PCDHGA5: variants seen among roughly 807,000 people sequenced by gnomAD.
PCDHGA5 encodes the protein protocadherin gamma-A5.
Under a neutral mutation model 56.7 loss-of-function variants are expected in PCDHGA5, and 36 were observed. The observed-to-expected ratio is 0.64, with a 90% confidence interval of 0.49 to 0.84. The LOEUF (loss-of-function observed/expected upper bound fraction) is 0.84. PCDHGA5 is among the 40% of genes least tolerant of loss of function. The pLI is 0.00. For missense variants in PCDHGA5, 1,305 were observed against 1,201.5 expected, an observed-to-expected ratio of 1.09 and a Z score of -1.27; for synonymous variants, 563 against 520.2, an observed-to-expected ratio of 1.08 and a Z score of -1.12.
rs1434955829 is a variant in PCDHGA5, at chr5:141,431,361, A to G, written c.2422-63446A>G. 3 of 1,614,002 alleles carry G rather than the reference A, an allele frequency of 1.9e-6. No homozygotes were observed. The highest frequency in any genetic ancestry group is 2.5e-6 in the Non-Finnish European group (3 of 1,180,034). On this transcript the variant is annotated intron_variant, in intron 1 of 3. Transcript: ENST00000518069. The surrounding 1 kb of genome is among the most constrained non-coding windows in gnomAD (Gnocchi z 4.8). ...GAATTGGTGCTGAAACGCGCCCTGG[A>G]CCGCGAAGAAAAGGCTGCTCACCAC...
intron 1 of PCDHGA5, chr5:141,422,463 C>G (rs1461108652): frequency 6.2e-7 from 1 of 1,613,472 alleles, no homozygotes; most frequent in Non-Finnish European, 8.5e-7. Flanking sequence ...GAGTGCTGGA[C>G]AGGGAGTTGG....
At position 141,493,666 on chromosome 5, in the gene PCDHGA5, C is replaced by T. The variant is rs1475584876; in HGVS notation, c.2422-1141C>T. On this transcript the variant is annotated intron_variant, in intron 1 of 3. Transcript: ENST00000518069. The surrounding 1 kb of genome is among the most constrained non-coding windows in gnomAD (Gnocchi z 4.3). ...GCCATCCCTGTGCCCTTCTCCATGG[C>T]AGCCCCAGAATGGTGCTGGTGACTC... 6.6e-6 allele frequency among the ~76,000 whole-genome samples: 1 copy of T among 152,176 alleles called. No individual in the cohort carries two copies. The highest frequency in any genetic ancestry group is 1.5e-5 in the Non-Finnish European group (1 of 68,028).
intron 1 of PCDHGA5, chr5:141,418,778 T>C (rs1256260275): frequency 6.2e-7 from 1 of 1,613,744 alleles, no homozygotes; most frequent in Non-Finnish European, 8.5e-7. Context: ...TCAGCAGCCT[T>C]TGGATTTTGA....
rs1426255577 is a variant in PCDHGA5, at chr5:141,512,797, TG to T, written c.*1625del. 6.6e-6 allele frequency: 1 copy of T among 152,300 alleles called. No homozygotes were observed. Among genetic ancestry groups the T allele is most frequent in the African/African-American group, 2.4e-5 (1 of 41,444 alleles). The allele number at this position is 152,300 out of a possible 1,614,324, so 9.4% of individuals were successfully genotyped here. On this transcript the variant is annotated 3_prime_UTR_variant, in exon 4 of 4. Transcript: ENST00000518069. ...GCGGCCCGTGTTGTGTTTTGTGCTGTGTCCACGCGCTAAGGCGACCCCCTCC... is the reference window on the plus strand; with the variant it reads ...GCGGCCCGTGTTGTGTTTTGTGCTGTTCCACGCGCTAAGGCGACCCCCTCC...
chr5:141,382,519 T>G lies in PCDHGA5; in HGVS notation c.2421+15768T>G, dbSNP rs147736839. On this transcript the variant is annotated intron_variant, in intron 1 of 3. Transcript: ENST00000518069. ...CATGAACACTGTTGCATTAATTCAG[T>G]GTCTTAAAATGGATTTTTAATTATC... 7.0e-4 allele frequency among the ~76,000 whole-genome samples: 107 copies of G among 152,314 alleles called. No homozygotes were observed. In the Middle Eastern group the frequency reaches 0.01, roughly 15 times the overall value.
rs1311219092 is a variant in PCDHGA5 at position 141,372,180 on chromosome 5, G to A, written c.2421+5429G>A. 1 of 1,613,652 alleles carries A rather than the reference G, an allele frequency of 6.2e-7. No homozygotes were observed. On this transcript the variant is annotated intron_variant, in intron 1 of 3. Transcript: ENST00000518069. ...GGTGACCAAGGTGGTGGCGGTGGAC[G>A]CAGACTCGGGATACAACGCCTGGCT...
chr5:141,470,718 G>A (rs916720866), intron 1 of PCDHGA5, among the ~76,000 whole-genome samples: 2 of 152,022 alleles, frequency 1.3e-5, no homozygotes, highest in Non-Finnish European at 2.9e-5. Flanking sequence ...ATTTTTTTGA[G>A]TCAGGGTCTT....
At chr5:141,405,422 GTT>G in intron 1 of PCDHGA5, 2 of 1,509,830 alleles carry the variant, frequency 1.3e-6, no homozygotes, top group Non-Finnish European at 1.8e-6. Context: ...TTTGTTTTTT[GTT>G]TTGTTTTGTT....
At chr5:141,448,523 A>G (rs2098593853) in intron 1 of PCDHGA5, among the ~76,000 whole-genome samples, 1 of 152,166 alleles carries the variant, frequency 6.6e-6, no homozygotes, top group African/African-American at 2.4e-5. Context: ...TTTATTAAGC[A>G]TCCTGTCAGC....
intron 1 of PCDHGA5, chr5:141,479,247 C>A (rs1428944159): frequency 6.6e-6 from 1 of 152,084 alleles, no homozygotes; most frequent in Non-Finnish European, 1.5e-5. Flanking sequence ...CAAAGATAAC[C>A]ATTTTTAATT....
At chr5:141,420,160 T>G in intron 1 of PCDHGA5, 1 of 1,614,044 alleles carries the variant, frequency 6.2e-7, no homozygotes, top group Non-Finnish European at 8.5e-7. Flanking sequence ...AATTTAATTT[T>G]TTCACATCTG....
intron 2 of PCDHGA5, among the ~76,000 whole-genome samples, chr5:141,495,994 T>C (rs2099765151): frequency 6.6e-6 from 1 of 152,146 alleles, no homozygotes; most frequent in Non-Finnish European, 1.5e-5. Flanking sequence ...ATCTCTCTTT[T>C]TCTTTTATCT....
intron 1 of PCDHGA5, among the ~76,000 whole-genome samples, chr5:141,463,489 C>T (rs1190438683): frequency 7.2e-6 from 1 of 138,270 alleles, no homozygotes; most frequent in African/African-American, 2.8e-5. Context: ...CGCTCTGTCA[C>T]CCAGGCTGGA....
Position 141,426,915 on chromosome 5 carries a change from G to A in PCDHGA5, c.2421+60164G>A, listed in dbSNP as rs143411146. On this transcript the variant is annotated intron_variant, in intron 1 of 3. Coordinates refer to ENST00000518069, the MANE Select transcript of PCDHGA5 (RefSeq NM_018918.3). ...ACAGAGCTCTCATCTCCTGGTCCTG[G>A]AAGCAATGGACATGGGTGACCCAGT... 1,737 of 456,738 alleles carry A rather than the reference G, an allele frequency of 3.8e-3. 17 individuals carry two copies. Among genetic ancestry groups the A allele is most frequent in the Admixed American group, 0.01 (426 of 42,586 alleles). The allele number at this position is 456,738 out of a possible 1,614,324, so 28.3% of individuals were successfully genotyped here.
intron 1 of PCDHGA5, chr5:141,407,886 A>G (rs1390921977): frequency 2.6e-6 from 1 of 384,594 alleles, no homozygotes; most frequent in Non-Finnish European, 4.6e-6. Context: ...CATTTCGGAG[A>G]CCGAATTCAA....
chr5:141,426,437 C>T (rs914971616), intron 1 of PCDHGA5: 6 of 300,546 alleles, frequency 2.0e-5, no homozygotes, highest in South Asian at 6.4e-5. Flanking sequence ...GGGAACCTTG[C>T]GGAGGACATG....
chr5:141,379,268 T>C (rs1775481611), intron 1 of PCDHGA5: 1 of 152,258 alleles, frequency 6.6e-6, no homozygotes, highest in Non-Finnish European at 1.5e-5. Flanking sequence ...GGAATTGTTA[T>C]AGATTTATTT....
intron 1 of PCDHGA5, among the ~76,000 whole-genome samples, chr5:141,467,297 CT>C (rs1229166213): frequency 2.0e-5 from 3 of 152,182 alleles, no homozygotes; most frequent in African/African-American, 7.2e-5. Context: ...AAGTGATCCA[CT>C]CACCTCGGCC....
In PCDHGA5 at chr5:141,472,816, G is replaced by A. The variant is rs1186234004; in HGVS notation, c.2422-21991G>A. On this transcript the variant is annotated intron_variant, in intron 1 of 3. Transcript: ENST00000518069. ...GCCTGACCAACATGGAGAAACCCCC[G>A]TCTCTACTAAAAATAGAAAATTAGC... 4.6e-5 allele frequency among the ~76,000 whole-genome samples: 7 copies of A among 151,374 alleles called. No individual in the cohort carries two copies. In the South Asian group the frequency reaches 6.2e-4, roughly 14 times the overall value.
Sources: allele counts gnomAD v4.1 joint callset (sites outside exome capture counted in the v4.1 genomes callset), GRCh38; gene constraint gnomAD v4.1.1; non-coding constraint Gnocchi (gnomAD v3.1); transcripts MANE v1.5; gene names NCBI Gene and HGNC (gene_info 2026-07-23, HGNC 2026-07-21).